Variants in CCDC30 observed in about 807,000 individuals in gnomAD.
CCDC30 encodes the protein coiled-coil domain-containing protein 30.
A neutral mutation model predicts 100.2 loss-of-function variants in CCDC30; 70 were observed. The observed-to-expected ratio is 0.70, with a 90% confidence interval of 0.58 to 0.85. The LOEUF is 0.85. CCDC30 is among the 40% of genes least tolerant of loss of function. The pLI, the probability that CCDC30 is intolerant of heterozygous loss-of-function variation, is 0.00. For missense variants in CCDC30, 652 were observed against 771.2 expected, an observed-to-expected ratio of 0.85 and a Z score of 1.83; for synonymous variants, 233 against 269.5, an observed-to-expected ratio of 0.86 and a Z score of 1.33.
At chr1:42,532,923 G>A (rs1182083128) in intron 6 of CCDC30, among the ~76,000 whole-genome samples, 2 of 152,090 alleles carry the variant, frequency 1.3e-5, no homozygotes, top group Admixed American at 1.3e-4. Flanking sequence ...CCGCCACCGC[G>A]CCCGGCTAAT....
At chr1:42,644,890 CT>C in intron 14 of CCDC30, 83 bp downstream of exon 18, 1 of 846,516 alleles carries the variant, frequency 1.2e-6, no homozygotes. Flanking sequence ...TTGCCTTCAT[CT>C]TTATATAGCT....
chr1:42,458,243 T>C (rs1453529757), upstream of CCDC30, among the ~76,000 whole-genome samples: 1 of 152,172 alleles, frequency 6.6e-6, no homozygotes, highest in Non-Finnish European at 1.5e-5. Context: ...CTGGCATCAG[T>C]ATGAAAGACG....
chr1:42,482,855 T>G, intron 3 of CCDC30, 39 bp downstream of exon 3: 1 of 1,200,458 alleles, frequency 8.3e-7, no homozygotes, highest in Non-Finnish European at 1.0e-6. Flanking sequence ...CGATCATGCT[T>G]TAACTGTACT....
rs556146893 is a variant in CCDC30, at chr1:42,492,654, AT to A, written c.241+2436del. ...TTGGAAATATTTGGAAATTAAAAAG[AT>A]TTTTTTTTTTGAGACGGATTCTCAC... On this transcript the variant is annotated intron_variant, in intron 4 of 16. Transcript: ENST00000668663. 1.4e-3 allele frequency among the ~76,000 whole-genome samples: 214 copies of A among 149,362 alleles called. 2 individuals carry two copies. The highest frequency in any genetic ancestry group is 3.5e-3 in the African/African-American group (143 of 40,882).
At chr1:42,491,584 T>C (rs1028420119) in intron 4 of CCDC30, among the ~76,000 whole-genome samples, 13 of 152,316 alleles carry the variant, frequency 8.5e-5, no homozygotes, top group African/African-American at 3.1e-4. Flanking sequence ...AATTTAATTG[T>C]ACCTTTTAAA....
chr1:42,542,539 C>CTTTTTTTTTT lies in CCDC30; in HGVS notation c.457-23744_457-23735dup, dbSNP rs58751072. On this transcript the variant is annotated intron_variant, in intron 6 of 16. Transcript: ENST00000668663. Reference sequence around the variant, plus strand: ...CACACCTGGCTAATTTTAAATTTTTCTTTTTTTTTTTTTTTTTTTTTTGAG... The same window carrying CTTTTTTTTTT: ...CACACCTGGCTAATTTTAAATTTTTCTTTTTTTTTTTTTTTTTTTTTTTTTTTTTTTTGAG... Among the ~76,000 whole-genome samples, 55 of 75,576 alleles carry CTTTTTTTTTT rather than the reference C, an allele frequency of 7.3e-4. 1 individual carries two copies. The highest frequency in any genetic ancestry group is 2.0e-3 in the East Asian group (3 of 1,518). 49.6% of individuals were successfully genotyped at this position (75,576 alleles called of 152,430 possible). A position where few individuals can be genotyped will look rare whatever the true frequency, so the allele number is the denominator to read the frequency against.
intron 11 of CCDC30, among the ~76,000 whole-genome samples, chr1:42,636,965 CAA>C (rs1166253995): frequency 1.3e-3 from 38 of 29,504 alleles, no homozygotes; most frequent in African/African-American, 3.2e-3. Context: ...GACTCCATCT[CAA>C]AAAAAAAAAA....
chr1:42,544,192 C>T (rs60908013), intron 6 of CCDC30, among the ~76,000 whole-genome samples: 17,687 of 152,226 alleles, frequency 0.12, 1,252 homozygotes, highest in East Asian at 0.27. Context: ...TGCGCCTAGC[C>T]CATCTTCCTT....
intron 6 of CCDC30, 135 bp downstream of exon 6, chr1:42,499,051 A>C (rs768905802): frequency 9.5e-6 from 4 of 419,444 alleles, no homozygotes; most frequent in Non-Finnish European, 1.2e-5. Context: ...TGCTCAGCTA[A>C]TTAGAGTGGA....
intron 11 of CCDC30, among the ~76,000 whole-genome samples, chr1:42,619,538 A>C (rs1427147645): frequency 6.6e-6 from 1 of 152,220 alleles, no homozygotes; most frequent in African/African-American, 2.4e-5. Flanking sequence ...GATTACAGAA[A>C]GAATGGGGGC....
intron 6 of CCDC30, among the ~76,000 whole-genome samples, chr1:42,540,782 A>G (rs1644997606): frequency 6.6e-6 from 1 of 152,142 alleles, no homozygotes; most frequent in Non-Finnish European, 1.5e-5. Context: ...AAACAATAAC[A>G]TCTCCTATTA....
intron 11 of CCDC30, 68 bp downstream of exon 15, chr1:42,611,158 T>C (rs1646615401): frequency 1.1e-6 from 1 of 897,322 alleles, no homozygotes; most frequent in Non-Finnish European, 1.8e-6. Context: ...GAGCAGGCTC[T>C]AGGGCTAAAT....
upstream of CCDC30, among the ~76,000 whole-genome samples, chr1:42,462,698 A>T (rs571342128): frequency 1.3e-5 from 2 of 152,282 alleles, no homozygotes; most frequent in East Asian, 1.9e-4. Context: ...TGTGTCATTT[A>T]TAAGTTTTTA....
intron 6 of CCDC30, among the ~76,000 whole-genome samples, chr1:42,538,590 A>G (rs1475074139): frequency 1.3e-5 from 2 of 152,264 alleles, no homozygotes; most frequent in East Asian, 3.9e-4. Context: ...TGGGCAACAT[A>G]GCGAGACCGC....
At chr1:42,484,949 G>T (rs1219546890) in intron 3 of CCDC30, among the ~76,000 whole-genome samples, 1 of 151,982 alleles carries the variant, frequency 6.6e-6, no homozygotes, top group African/African-American at 2.4e-5. Flanking sequence ...GGCCTTTATT[G>T]AATCCTGATT....
intron 1 of CCDC30, among the ~76,000 whole-genome samples, chr1:42,470,548 G>A (rs1415644458): frequency 2.0e-5 from 3 of 152,098 alleles, no homozygotes; most frequent in Admixed American, 6.5e-5. Flanking sequence ...GTTGAAAGGT[G>A]GAAACAACTC....
At chr1:42,536,698 C>T in intron 6 of CCDC30, 97 bp downstream of exon 7, 2 of 871,692 alleles carry the variant, frequency 2.3e-6, no homozygotes, top group Middle Eastern at 2.3e-4. Context: ...TGTGTCTCAG[C>T]TTGGGCTGCC....
intron 6 of CCDC30, among the ~76,000 whole-genome samples, chr1:42,550,615 G>C (rs1645231898): frequency 6.6e-6 from 1 of 152,200 alleles, no homozygotes; most frequent in South Asian, 2.1e-4. Context: ...CCTTCTCAGA[G>C]TGGTAATTCC....
At chr1:42,498,726 T>C (rs918876892) in intron 5 of CCDC30, 92 bp from the exon 6 acceptor site, 2 of 525,570 alleles carry the variant, frequency 3.8e-6, no homozygotes, top group Non-Finnish European at 5.8e-6. Flanking sequence ...GGAGAATGTA[T>C]TTATATATTA....
Sources: allele counts gnomAD v4.1 joint callset (sites outside exome capture counted in the v4.1 genomes callset), GRCh38; gene constraint gnomAD v4.1.1; transcripts MANE v1.5; gene names NCBI Gene and HGNC (gene_info 2026-07-23, HGNC 2026-07-21).